NPHS2: variants seen among roughly 807,000 people sequenced by gnomAD.
NPHS2 encodes podocin.
A neutral mutation model predicts 37.1 loss-of-function variants in NPHS2; 36 were observed. The observed-to-expected ratio is 0.97, with a 90% CI of 0.74 to 1.28. The LOEUF (loss-of-function observed/expected upper bound fraction) is 1.28, where lower values mean the gene tolerates loss of function less well. NPHS2 is among the 50% of genes most tolerant of loss of function. The pLI, the probability that NPHS2 is intolerant of heterozygous loss-of-function variation, is 0.00. For synonymous variants in NPHS2, 196 were observed against 189.3 expected, an observed-to-expected ratio of 1.04 and a Z score of -0.29; for missense variants, 447 against 488.1, an observed-to-expected ratio of 0.92 and a Z score of 0.79.
chr1:179,569,016 A>G (rs1674441384), intron 1 of NPHS2, among the ~76,000 whole-genome samples: 1 of 152,196 alleles, frequency 6.6e-6, no homozygotes, highest in Non-Finnish European at 1.5e-5. Context: ...GCTGAGAAGA[A>G]TATATATTCT....
intron 7 of NPHS2, 102 bp downstream of exon 7, chr1:179,552,501 G>T (rs1015575918): frequency 2.3e-6 from 2 of 885,842 alleles, no homozygotes; most frequent in Non-Finnish European, 3.7e-6. Context: ...GACAGCTTCT[G>T]CCCAGTGCCT....
chr1:179,563,986 T>C (rs1223758218), intron 2 of NPHS2, among the ~76,000 whole-genome samples: 1 of 152,202 alleles, frequency 6.6e-6, no homozygotes, highest in Non-Finnish European at 1.5e-5. Context: ...TTCTGCCCAC[T>C]GTGGGACTCC....
chr1:179,567,912 A>T (rs909254510), intron 1 of NPHS2, among the ~76,000 whole-genome samples: 1 of 152,208 alleles, frequency 6.6e-6, no homozygotes, highest in Non-Finnish European at 1.5e-5. Context: ...CCCAGGGATG[A>T]AGCCAACTTG....
intron 2 of NPHS2, among the ~76,000 whole-genome samples, chr1:179,562,347 T>G (rs1410898308): frequency 2.0e-5 from 3 of 152,234 alleles, no homozygotes; most frequent in African/African-American, 7.2e-5. Flanking sequence ...CTTATTTACA[T>G]GTTAAGATAT....
At chr1:179,551,552 T>C (rs1024698691) in intron 7 of NPHS2, 101 bp from the exon 8 acceptor site, 1 of 1,366,174 alleles carries the variant, frequency 7.3e-7, no homozygotes, top group African/African-American at 1.4e-5. Flanking sequence ...GCATCTACTA[T>C]GTGGCAAGCA....
chr1:179,552,327 A>G (rs1366831666), intron 7 of NPHS2: 1 of 513,890 alleles, frequency 1.9e-6, no homozygotes, highest in Middle Eastern at 5.5e-4. Flanking sequence ...AGAGGGATTG[A>G]TGTGTGTGGA....
intron 4 of NPHS2, 47 bp from the exon 5 acceptor site, chr1:179,557,277 T>G: frequency 6.7e-7 from 1 of 1,491,670 alleles, no homozygotes; most frequent in South Asian, 1.1e-5. Flanking sequence ...TTGGGCTCCT[T>G]TCCTATGTGG....
chr1:179,573,249 A>G (rs899746201), intron 1 of NPHS2, among the ~76,000 whole-genome samples: 1 of 152,250 alleles, frequency 6.6e-6, no homozygotes, highest in African/African-American at 2.4e-5. Flanking sequence ...CACTTGAAGA[A>G]GAGGACAGAG....
chr1:179,556,298 T>C lies in NPHS2; in HGVS notation c.738+729A>G, dbSNP rs758696467. 2.6e-5 allele frequency among the ~76,000 whole-genome samples: 4 copies of C among 152,208 alleles called. No individual in the cohort carries two copies. The highest frequency in any genetic ancestry group is 4.4e-5 in the Non-Finnish European group (3 of 68,028). On this transcript the variant is annotated intron_variant, in intron 5 of 7. Transcript: ENST00000367615. The surrounding 1 kb of genome is among the most constrained non-coding windows in gnomAD (Gnocchi z 4.1). ...TTCTGGGCCTGGGTGTCCCCACTGCTTCAGTGACAGGCTCCATTGCTGGTG... is the reference window on the plus strand; with the variant it reads ...TTCTGGGCCTGGGTGTCCCCACTGCCTCAGTGACAGGCTCCATTGCTGGTG...
intron 1 of NPHS2, 110 bp from the exon 2 acceptor site, chr1:179,564,903 T>C: frequency 1.2e-6 from 1 of 852,446 alleles, no homozygotes; most frequent in Non-Finnish European, 1.9e-6. Context: ...CTTGGAGACT[T>C]TGCTGGAAAT....
chr1:179,560,674 C>A (rs1039019829), intron 3 of NPHS2, among the ~76,000 whole-genome samples: 1 of 152,112 alleles, frequency 6.6e-6, no homozygotes, highest in Non-Finnish European at 1.5e-5. Context: ...GCCTTCCTGG[C>A]TGACTTAGAT....
intron 2 of NPHS2, among the ~76,000 whole-genome samples, chr1:179,563,676 T>C (rs996193081): frequency 6.6e-6 from 1 of 152,128 alleles, no homozygotes; most frequent in Non-Finnish European, 1.5e-5. Flanking sequence ...ATTTGAGAAA[T>C]TGACAAATAT....
chr1:179,551,754 A>G (rs891853778), intron 7 of NPHS2: 1 of 389,646 alleles, frequency 2.6e-6, no homozygotes, highest in Non-Finnish European at 4.7e-6. Context: ...AGAAAAGATT[A>G]GCCAGCATTC....
chr1:179,566,275 T>G (rs922396523), intron 1 of NPHS2, among the ~76,000 whole-genome samples: 2 of 152,264 alleles, frequency 1.3e-5, no homozygotes, highest in African/African-American at 4.8e-5. Context: ...TGGCATTAGA[T>G]GGTATCTCAT....
chr1:179,551,580 T>C lies in NPHS2; in HGVS notation c.874-129A>G, dbSNP rs16854337. 5.4e-3 allele frequency: 5,597 copies of C among 1,045,750 alleles called. 218 individuals are homozygous for C. The African/African-American group carries it at 0.078, about 15-fold the overall frequency. 64.8% of individuals were successfully genotyped at this position (1,045,750 alleles called of 1,614,324 possible). ...GGCAAGCACGGTTAAGCATAGAACATGTTTATTCTTCTTTCTGAAGGGTCT... is the reference window on the plus strand; with the variant it reads ...GGCAAGCACGGTTAAGCATAGAACACGTTTATTCTTCTTTCTGAAGGGTCT... On this transcript the variant is annotated intron_variant, in intron 7 of 7. Coordinates refer to ENST00000367615, the MANE Select transcript of NPHS2 (RefSeq NM_014625.4).
intron 1 of NPHS2, among the ~76,000 whole-genome samples, chr1:179,575,043 T>A (rs1428223011): frequency 6.6e-6 from 1 of 152,230 alleles, no homozygotes; most frequent in Non-Finnish European, 1.5e-5. Context: ...AGGTCCTTCC[T>A]ATGATCACAT....
intron 4 of NPHS2, among the ~76,000 whole-genome samples, chr1:179,557,450 A>G (rs184860575): frequency 6.6e-6 from 1 of 152,348 alleles, no homozygotes; most frequent in East Asian, 1.9e-4. Context: ...CCTTTTGTAA[A>G]AAAAATCAGA....
At position 179,575,893 on chromosome 1, in the gene NPHS2, C is replaced by T; in HGVS notation, c.-29G>A. On this transcript the variant is annotated 5_prime_UTR_variant, in exon 1 of 8. Transcript: ENST00000367615. ...CAGAGCTGCCGGGCGGCTGGAGCAG[C>T]AGCGCGGGAGCGCTAGGGGCACGGG... 1 of 1,381,390 alleles carries T rather than the reference C, an allele frequency of 7.2e-7. No individual in the cohort carries two copies. Among genetic ancestry groups the T allele is most frequent in the Non-Finnish European group, 9.3e-7 (1 of 1,076,114 alleles). 85.6% of individuals were successfully genotyped at this position (1,381,390 alleles called of 1,614,324 possible). A position where few individuals can be genotyped will look rare whatever the true frequency, so the allele number is the denominator to read the frequency against.
chr1:179,573,955 C>T (rs1674661996), intron 1 of NPHS2, among the ~76,000 whole-genome samples: 1 of 152,174 alleles, frequency 6.6e-6, no homozygotes, highest in Admixed American at 6.5e-5. Flanking sequence ...GAGTCCCCAA[C>T]ATTTTGGTGA....
Sources: gnomAD v4.1 joint callset for allele counts (sites outside exome capture counted in the v4.1 genomes callset) on GRCh38, gnomAD v4.1.1 for gene constraint, Gnocchi (gnomAD v3.1) non-coding constraint, MANE v1.5 for transcripts, NCBI Gene and HGNC (gene_info 2026-07-23, HGNC 2026-07-21) for gene names.